ANK2: variants seen among roughly 807,000 people sequenced by gnomAD.
The protein encoded by ANK2 is ankyrin 2, also known as ankyrin-2.
In ANK2, 83 loss-of-function variants were observed where a neutral mutation model predicts 360.5. The ratio of observed to expected loss-of-function variants is 0.23; its 90% CI spans 0.19 to 0.28. ANK2 has a LOEUF of 0.28. Ranked by LOEUF, ANK2 falls within the 10% of genes least tolerant of loss-of-function variation. ANK2 has a pLI of 1.00. For missense variants in ANK2, 4,201 were observed against 4,795.7 expected (o/e 0.88, Z 3.66); for synonymous variants, 1,740 against 1,759.5 (o/e 0.99, Z 0.28).
chr4:112,909,511 C>G (rs968373150), intron 2 of ANK2, among the ~76,000 whole-genome samples: 71 of 152,282 alleles, frequency 4.7e-4, no homozygotes, highest in African/African-American at 1.7e-3. Context: ...CTTGTGACCA[C>G]AGAAAATAAT....
intron 4 of ANK2, among the ~76,000 whole-genome samples, chr4:113,226,382 CTG>C (rs1157596345): frequency 2.0e-5 from 3 of 152,286 alleles, no homozygotes; most frequent in Admixed American, 2.0e-4. Context: ...TCCGTATGTC[CTG>C]TGTTGTCTCA....
At chr4:113,024,756 C>T (rs544586204) in intron 2 of ANK2, among the ~76,000 whole-genome samples, 19 of 152,190 alleles carry the variant, frequency 1.2e-4, no homozygotes, top group South Asian at 1.2e-3. Context: ...TATTGTTTGA[C>T]GCTAGAAGAT....
the ANK2 span, chr4:112,738,743 G>A: frequency 1.6e-6 from 1 of 619,458 alleles, no homozygotes; most frequent in Non-Finnish European, 3.0e-6. Context: ...TCCGGCACCA[G>A]TCAGACCCAT....
Position 113,214,318 on chromosome 4 carries a change from A to G in ANK2, c.384+15209A>G, listed in dbSNP as rs1031925933. 4.5e-5 allele frequency: 44 copies of G among 985,418 alleles called. 1 individual carries two copies. Among genetic ancestry groups the G allele is most frequent in the Middle Eastern group, 4.3e-4 (2 of 4,642 alleles). 61.0% of individuals were successfully genotyped at this position (985,418 alleles called of 1,614,324 possible). On this transcript the variant is annotated intron_variant, in intron 4 of 45. Coordinates refer to ENST00000357077, the MANE Select transcript of ANK2 (RefSeq NM_001148.6). ...TTGTCCTTGGGCACGCATCGGGCACAGTTAGTGCAGCGAATAGGCTGCACG... is the reference window on the plus strand; with the variant it reads ...TTGTCCTTGGGCACGCATCGGGCACGGTTAGTGCAGCGAATAGGCTGCACG...
At chr4:113,136,040 A>G (rs1211577159) in intron 1 of ANK2, among the ~76,000 whole-genome samples, 1 of 152,210 alleles carries the variant, frequency 6.6e-6, no homozygotes, top group East Asian at 1.9e-4. Flanking sequence ...ATTTGTGAGA[A>G]GAATGAAATA....
chr4:112,712,687 A>G, the ANK2 span, among the ~76,000 whole-genome samples: 215 of 152,114 alleles, frequency 1.4e-3, 5 homozygotes, highest in South Asian at 0.015. Flanking sequence ...GATTACAGGC[A>G]TGAGCCACTG....
intron 1 of ANK2, among the ~76,000 whole-genome samples, chr4:113,132,898 T>C (rs866759805): frequency 2.0e-5 from 3 of 152,152 alleles, no homozygotes; most frequent in Non-Finnish European, 4.4e-5. Flanking sequence ...AGCTTCAGTA[T>C]TGGGAAAGAA....
chr4:112,785,244 C>T, the ANK2 span, among the ~76,000 whole-genome samples: 115 of 152,256 alleles, frequency 7.6e-4, no homozygotes, highest in African/African-American at 2.7e-3. Context: ...TTGCTACCTC[C>T]CCTTGATCCT....
rs772431453 is a variant in ANK2 at position 112,925,727 on chromosome 4, G to A, written c.21+21213G>A. Among the ~76,000 whole-genome samples, 3 of 152,336 alleles carry A rather than the reference G, an allele frequency of 2.0e-5. No individual in the cohort carries two copies. In the South Asian group the frequency reaches 6.2e-4, roughly 32 times the overall value. ...GAACTTTGGGAGATTACATAGAAGA[G>A]TTGGCTGTTACAGAATTATAAGTAG... On this transcript the variant is annotated intron_variant, in intron 2 of 30. Coordinates refer to the ANK2 transcript ENST00000503271.
chr4:112,958,702 C>A (rs982769554), intron 2 of ANK2, among the ~76,000 whole-genome samples: 1 of 151,770 alleles, frequency 6.6e-6, no homozygotes, highest in African/African-American at 2.4e-5. Flanking sequence ...TTTTTGTTAC[C>A]CTTTTTGAGT....
At chr4:112,712,625 T>C in the ANK2 span, among the ~76,000 whole-genome samples, 2 of 151,552 alleles carry the variant, frequency 1.3e-5, no homozygotes, top group African/African-American at 4.9e-5. Context: ...GCCAGGATGG[T>C]CTCGATCTTC....
Position 112,950,804 on chromosome 4 carries a change from C to T in ANK2, c.21+46290C>T, listed in dbSNP as rs1243103985. Reference sequence around the variant, plus strand: ...CAAATTTTAAAATGTGTGCCTCGGCCGGGCGCGGTGGCTCACGCCTGTAAT... The same window carrying T: ...CAAATTTTAAAATGTGTGCCTCGGCTGGGCGCGGTGGCTCACGCCTGTAAT... On this transcript the variant is annotated intron_variant, in intron 2 of 30. Coordinates refer to the ANK2 transcript ENST00000503271. Among the ~76,000 whole-genome samples the T allele has an allele frequency of 3.4e-5, 5 of 148,522 alleles. No homozygotes were observed. In the Middle Eastern group the frequency reaches 0.011, roughly 335 times the overall value.
At chr4:112,771,309 G>T in the ANK2 span, among the ~76,000 whole-genome samples, 1 of 151,136 alleles carries the variant, frequency 6.6e-6, no homozygotes, top group African/African-American at 2.4e-5. Flanking sequence ...GTAGAGATGG[G>T]GTTTCTCCAT....
Position 113,204,346 on chromosome 4 carries a change from T to C in ANK2, c.384+5237T>C, listed in dbSNP as rs1038134702. ...TAAGCAAAATTTTGGAGAATGGGTA[T>C]GGTAAATTTCCCTTCCTTTTAGGAA... On this transcript the variant is annotated intron_variant, in intron 4 of 45. Coordinates refer to ENST00000357077, the MANE Select transcript of ANK2 (RefSeq NM_001148.6). Among the ~76,000 whole-genome samples the C allele has an allele frequency of 3.3e-5, 5 of 152,258 alleles. 1 individual carries two copies. The South Asian group carries it at 8.3e-4, about 25-fold the overall frequency.
intron 1 of ANK2, among the ~76,000 whole-genome samples, chr4:113,086,057 A>G (rs1311233341): frequency 6.6e-6 from 1 of 152,212 alleles, no homozygotes; most frequent in Non-Finnish European, 1.5e-5. Flanking sequence ...TTCCTTTTAT[A>G]TGACACAAAA....
the ANK2 span, among the ~76,000 whole-genome samples, chr4:112,781,386 C>T: frequency 5.8e-4 from 88 of 152,140 alleles, no homozygotes; most frequent in African/African-American, 2.1e-3. Context: ...AGGCATGAGC[C>T]ACCACACCCA....
Position 113,354,565 on chromosome 4 carries a change from A to G in ANK2, c.5947A>G (p.Arg1983Gly), listed in dbSNP as rs549604601. 1 of 1,614,126 alleles carries G rather than the reference A, an allele frequency of 6.2e-7. No individual in the cohort carries two copies. The highest frequency in any genetic ancestry group is 1.3e-5 in the African/African-American group (1 of 75,026). ...PPVSPTSKTERIEETMSVREL... is the reference protein window; with the variant it reads ...PPVSPTSKTEGIEETMSVREL... ...TGTATCCCCCACTTCAAAAACAGAG[A>G]GGATTGAGGAAACCATGTCTGTTCG... The change falls in exon 38 of 46, where the codon AGG (arginine) becomes GGG (glycine). Residue 1983 changes from arginine (R) to glycine (G), a missense_variant. Coordinates refer to ENST00000357077, the MANE Select transcript of ANK2 (RefSeq NM_001148.6).
chr4:113,146,339 T>G (rs2096834037), intron 1 of ANK2, among the ~76,000 whole-genome samples: 1 of 152,202 alleles, frequency 6.6e-6, no homozygotes, highest in Non-Finnish European at 1.5e-5. Flanking sequence ...GAGATTCACT[T>G]ACGTTCAGTC....
intron 1 of ANK2, among the ~76,000 whole-genome samples, chr4:113,070,478 T>G (rs186586709): frequency 6.6e-6 from 1 of 152,324 alleles, no homozygotes; most frequent in East Asian, 1.9e-4. Context: ...GAAATTTTTC[T>G]TTTACTTCTG....
Sources: gnomAD v4.1 joint callset for allele counts (sites outside exome capture counted in the v4.1 genomes callset) on GRCh38, gnomAD v4.1.1 for gene constraint, MANE v1.5 for transcripts, NCBI Gene and HGNC (gene_info 2026-07-23, HGNC 2026-07-21) for gene names.